ASAP2: variants seen among roughly 807,000 people sequenced by gnomAD.
The protein encoded by ASAP2 is arf-GAP with SH3 domain, ANK repeat and PH domain-containing protein 2.
ASAP2 carries 45 observed loss-of-function variants against 131.4 expected under a neutral mutation model. The ratio of observed to expected loss-of-function variants is 0.34; its 90% CI spans 0.27 to 0.44. ASAP2 has a LOEUF of 0.44. Ranked by LOEUF, ASAP2 falls within the 20% of genes least tolerant of loss-of-function variation. The pLI is 1.00. For synonymous variants in ASAP2, 510 were observed against 503.0 expected, an observed-to-expected ratio of 1.01 and a Z score of -0.19; for missense variants, 1,011 against 1,297.0, an observed-to-expected ratio of 0.78 and a Z score of 3.39.
intron 1 of ASAP2, among the ~76,000 whole-genome samples, chr2:9,229,150 C>T (rs1422764732): frequency 6.8e-6 from 1 of 147,688 alleles, no homozygotes; most frequent in Non-Finnish European, 1.5e-5. Flanking sequence ...AGATGTGGAG[C>T]CCCCCCCGCA....
intron 2 of ASAP2, among the ~76,000 whole-genome samples, chr2:9,295,678 C>T (rs1233149131): frequency 6.6e-6 from 1 of 152,166 alleles, no homozygotes; most frequent in Non-Finnish European, 1.5e-5. Flanking sequence ...ATGTATGTTT[C>T]TGTCAGAATT....
At chr2:9,259,236 CCCTT>C (rs1292153085) in intron 1 of ASAP2, among the ~76,000 whole-genome samples, 1 of 152,238 alleles carries the variant, frequency 6.6e-6, no homozygotes, top group Non-Finnish European at 1.5e-5. Flanking sequence ...TGGGCTGAAG[CCCTT>C]CCTTGGGGAG....
At chr2:9,380,077 A>G (rs574845640) in intron 19 of ASAP2, among the ~76,000 whole-genome samples, 1 of 152,310 alleles carries the variant, frequency 6.6e-6, no homozygotes, top group East Asian at 1.9e-4. Context: ...ATTGCAGTGC[A>G]TGGAAATAGG....
intron 2 of ASAP2, among the ~76,000 whole-genome samples, chr2:9,290,735 C>T (rs1394126456): frequency 6.6e-6 from 1 of 152,184 alleles, no homozygotes; most frequent in Non-Finnish European, 1.5e-5. Context: ...CTCAGGTGAG[C>T]GCTGGGTCTG....
chr2:9,345,506 T>TA (rs558302890), intron 11 of ASAP2, among the ~76,000 whole-genome samples: 237 of 152,252 alleles, frequency 1.6e-3, no homozygotes, highest in African/African-American at 5.4e-3. Flanking sequence ...GCGTTATACA[T>TA]ACTATTGCCT....
rs1172852214 is a variant in ASAP2, at chr2:9,380,651, G to A, written c.1949-90G>A. 9 of 1,212,170 alleles carry A rather than the reference G, an allele frequency of 7.4e-6. No homozygotes were observed. In the East Asian group the frequency reaches 2.1e-4, roughly 28 times the overall value. 75.1% of individuals were successfully genotyped at this position (1,212,170 alleles called of 1,614,324 possible). Reference sequence around the variant, plus strand: ...ACCAGGCCCAATTTAATTTAGTGCTGCCTTTCTGTTCCTTTTAAAAATTGT... The same window carrying A: ...ACCAGGCCCAATTTAATTTAGTGCTACCTTTCTGTTCCTTTTAAAAATTGT... On this transcript the variant is annotated intron_variant, in intron 19 of 27. Coordinates refer to ENST00000281419, the MANE Select transcript of ASAP2 (RefSeq NM_003887.3).
At chr2:9,312,915 A>G (rs2148467964) in intron 3 of ASAP2, among the ~76,000 whole-genome samples, 1 of 152,260 alleles carries the variant, frequency 6.6e-6, no homozygotes, top group East Asian at 1.9e-4. Context: ...TTAGCTGGGC[A>G]TGGCATGGTG....
chr2:9,319,351 C>T (rs1335788253), intron 4 of ASAP2, among the ~76,000 whole-genome samples: 1 of 152,252 alleles, frequency 6.6e-6, no homozygotes, highest in Non-Finnish European at 1.5e-5. Context: ...CCAGTCTTGA[C>T]CCATCTCCAG....
At chr2:9,352,021 T>C (rs920571873) in intron 12 of ASAP2, among the ~76,000 whole-genome samples, 23 of 152,198 alleles carry the variant, frequency 1.5e-4, no homozygotes, top group African/African-American at 5.3e-4. Flanking sequence ...AGCTTGCCTT[T>C]CATTCATACA....
intron 20 of ASAP2, 22 bp downstream of exon 20, chr2:9,380,830 C>G: frequency 6.2e-7 from 1 of 1,611,000 alleles, no homozygotes; most frequent in Non-Finnish European, 8.5e-7. Context: ...ACCACAAGGA[C>G]GGGGTGGGGC....
intron 9 of ASAP2, among the ~76,000 whole-genome samples, chr2:9,342,146 A>G (rs1671627001): frequency 6.6e-6 from 1 of 152,270 alleles, no homozygotes. Context: ...GCCTTTGTGC[A>G]GAAATTGACA....
In ASAP2 at chr2:9,374,806, A is replaced by G. The variant is rs755313773; in HGVS notation, c.1608A>G (p.Ala536=). 2.5e-6 allele frequency: 4 copies of G among 1,612,900 alleles called. No homozygotes were observed. In the East Asian group the frequency reaches 8.9e-5, roughly 36 times the overall value. The change falls in exon 17 of 28, where the codon GCA becomes GCG. Residue 536 remains alanine, a synonymous_variant. Transcript: ENST00000281419. The part of the protein sequence containing the change: ...ITAKYIERRY[A]RKKHADNAAK... ...CCAAGTACATCGAGAGGAGATACGC[A>G]AGGAAGAAGCACGCGGATAACGCGG...
At chr2:9,215,719 A>G (rs1239893738) in intron 1 of ASAP2, among the ~76,000 whole-genome samples, 1 of 142,824 alleles carries the variant, frequency 7.0e-6, no homozygotes, top group African/African-American at 2.7e-5. Flanking sequence ...TTTGTTAAAT[A>G]TAATTATTAT....
chr2:9,302,514 G>A (rs780043586), intron 3 of ASAP2, among the ~76,000 whole-genome samples: 1 of 151,496 alleles, frequency 6.6e-6, no homozygotes, highest in East Asian at 1.9e-4. Flanking sequence ...TCACTGTGTC[G>A]CCCAAGCTAG....
At chr2:9,400,862 G>C (rs773429399) in intron 26 of ASAP2, 32 bp downstream of exon 26, 8 of 1,594,238 alleles carry the variant, frequency 5.0e-6, no homozygotes, top group Non-Finnish European at 6.9e-6. Context: ...CTGCCTCTCT[G>C]CTCTAGCCAG....
chr2:9,287,883 A>G (rs2148349779), intron 2 of ASAP2, among the ~76,000 whole-genome samples: 1 of 152,280 alleles, frequency 6.6e-6, no homozygotes, highest in South Asian at 2.1e-4. Context: ...CTCTGAAGGA[A>G]CACAGAGGTC....
chr2:9,345,439 G>A (rs926351109), intron 11 of ASAP2, among the ~76,000 whole-genome samples: 8 of 152,240 alleles, frequency 5.3e-5, no homozygotes, highest in Admixed American at 4.6e-4. Flanking sequence ...GCTTTCAGAG[G>A]CCAGGAACTT....
At position 9,404,737 on chromosome 2, in the gene ASAP2, GT is replaced by G. The variant is rs59423766; in HGVS notation, c.*1424del. The G allele has an allele frequency of 0.18, 25,578 of 143,614 alleles. 3,090 individuals are homozygous for G. The highest frequency in any genetic ancestry group is 0.36 in the African/African-American group (14,371 of 40,306). The allele number at this position is 143,614 out of a possible 1,614,324, so 8.9% of individuals were successfully genotyped here. On this transcript the variant is annotated 3_prime_UTR_variant, in exon 28 of 28. Transcript: ENST00000281419. Reference sequence around the variant, plus strand: ...TCTTTATTATGCAAGACTGTGTAGAGTTTTTTTTTTTTTTGGCATTGTACTT... The same window carrying G: ...TCTTTATTATGCAAGACTGTGTAGAGTTTTTTTTTTTTTGGCATTGTACTT...
chr2:9,385,325 T>A lies in ASAP2; in HGVS notation c.2097T>A (p.Asp699Glu). 1.2e-6 allele frequency: 2 copies of A among 1,614,148 alleles called. No homozygotes were observed. The highest frequency in any genetic ancestry group is 2.2e-5 in the South Asian group (2 of 91,082). ...GGCGACTACTCCACGAAGACCTGGA[T>A]GAAAGTGATGACGACATGGATGAGA... ...YEWRLLHEDL[D>E]ESDDDMDEKL... Residue 699 changes from aspartate to glutamate, a missense_variant, in exon 21 of 28, where the codon GAT (aspartate) becomes GAA (glutamate). Asp to Glu is a conservative substitution (Grantham distance 45). Transcript: ENST00000281419.
Sources: allele counts gnomAD v4.1 joint callset (sites outside exome capture counted in the v4.1 genomes callset), GRCh38; gene constraint gnomAD v4.1.1; transcripts MANE v1.5; gene names NCBI Gene and HGNC (gene_info 2026-07-23, HGNC 2026-07-21).